The following MGAT4C variants were observed in gnomAD, a reference collection of about 807,000 sequenced individuals.
The protein encoded by MGAT4C is MGAT4 family member C.
MGAT4C carries 19 observed loss-of-function variants against 40.1 expected under a neutral mutation model. That is an observed-to-expected ratio of 0.47 (90% CI 0.33 to 0.70). The LOEUF is 0.70. MGAT4C is among the 30% of genes least tolerant of loss of function. The pLI is 0.02. For synonymous variants in MGAT4C, 181 were observed against 187.1 expected (o/e 0.97, Z 0.27); for missense variants, 491 against 563.2 (o/e 0.87, Z 1.30).
intron 4 of MGAT4C, among the ~76,000 whole-genome samples, chr12:86,327,508 C>T (rs56293486): frequency 0.19 from 29,554 of 151,730 alleles, 3,564 homozygotes; most frequent in African/African-American, 0.33. Context: ...ACTTGTGGTT[C>T]ATGAGTTTGC....
chr12:86,072,625 G>C (rs891962168), intron 1 of MGAT4C, among the ~76,000 whole-genome samples: 1 of 152,116 alleles, frequency 6.6e-6, no homozygotes, highest in South Asian at 2.1e-4. Context: ...TGGATAGATG[G>C]ATAGATGGAT....
chr12:86,075,896 C>G (rs1015322100), intron 1 of MGAT4C, among the ~76,000 whole-genome samples: 2 of 152,136 alleles, frequency 1.3e-5, no homozygotes, highest in African/African-American at 4.8e-5. Context: ...GTGAAGACCT[C>G]TGACATGCTC....
rs1882888865 is a variant in MGAT4C, at chr12:85,957,799, G to A, written c.*21490C>T. ...GGTCAGGGTAGTGCAGGTGGTGCAT[G>A]CATTTAATAATAGTTTAAGATATTA... is the stretch of plus-strand genomic sequence containing the variant. On this transcript the variant is annotated 3_prime_UTR_variant, in exon 5 of 5. Transcript: ENST00000611864. 6.6e-6 allele frequency: 1 copy of A among 151,376 alleles called. No homozygotes were observed. Among genetic ancestry groups the A allele is most frequent in the Non-Finnish European group, 1.5e-5 (1 of 67,776 alleles). The allele number at this position is 151,376 out of a possible 1,614,324, so 9.4% of individuals were successfully genotyped here. A position where few individuals can be genotyped will look rare whatever the true frequency, so the allele number is the denominator to read the frequency against.
At chr12:86,508,586 G>C (rs962951447) in intron 2 of MGAT4C, among the ~76,000 whole-genome samples, 21 of 151,724 alleles carry the variant, frequency 1.4e-4, no homozygotes, top group Non-Finnish European at 2.2e-4. Context: ...TAATGGGATG[G>C]CTGGGTCAAA....
chr12:86,711,321 G>C (rs1950553458), intron 2 of MGAT4C, among the ~76,000 whole-genome samples: 1 of 152,130 alleles, frequency 6.6e-6, no homozygotes, highest in Non-Finnish European at 1.5e-5. Context: ...TGGCGCTCCT[G>C]AGATGCCATC....
intron 2 of MGAT4C, among the ~76,000 whole-genome samples, chr12:86,539,371 T>A (rs1284469577): frequency 6.6e-6 from 1 of 152,362 alleles, no homozygotes; most frequent in Admixed American, 6.5e-5. Flanking sequence ...TTTTTATGGC[T>A]ACATAGTATT....
intron 1 of MGAT4C, among the ~76,000 whole-genome samples, chr12:86,063,664 T>A (rs1438438700): frequency 6.6e-6 from 1 of 152,198 alleles, no homozygotes; most frequent in South Asian, 2.1e-4. Flanking sequence ...CCATCTCACA[T>A]GCAAAGACAC....
At chr12:86,225,438 G>A (rs528586521) in intron 1 of MGAT4C, among the ~76,000 whole-genome samples, 9 of 151,972 alleles carry the variant, frequency 5.9e-5, no homozygotes, top group African/African-American at 4.8e-5. Flanking sequence ...TTCCCTACTC[G>A]TTCTATGAGG....
At chr12:86,716,591 GTTA>G (rs1448340496) in intron 2 of MGAT4C, among the ~76,000 whole-genome samples, 2 of 152,078 alleles carry the variant, frequency 1.3e-5, no homozygotes, top group Non-Finnish European at 2.9e-5. Flanking sequence ...TCATTGAGAA[GTTA>G]TTAATAGTTT....
intron 1 of MGAT4C, among the ~76,000 whole-genome samples, chr12:86,736,562 G>T (rs1950988346): frequency 1.3e-5 from 2 of 151,702 alleles, no homozygotes; most frequent in Non-Finnish European, 1.5e-5. Context: ...ACCTCCACCA[G>T]TGAACGAGCC....
intron 2 of MGAT4C, among the ~76,000 whole-genome samples, chr12:86,008,698 A>G (rs1888148456): frequency 6.6e-6 from 1 of 152,146 alleles, no homozygotes; most frequent in Admixed American, 6.5e-5. Flanking sequence ...TTAGGAAGAA[A>G]GCGTTAAGTA....
At chr12:86,361,232 G>A (rs1219656183) in intron 3 of MGAT4C, among the ~76,000 whole-genome samples, 7 of 152,142 alleles carry the variant, frequency 4.6e-5, no homozygotes, top group African/African-American at 1.2e-4. Flanking sequence ...ACAAGAAATG[G>A]GGAAAGGGTT....
intron 2 of MGAT4C, among the ~76,000 whole-genome samples, chr12:86,567,059 G>A (rs1373132313): frequency 6.6e-6 from 1 of 152,058 alleles, no homozygotes; most frequent in African/African-American, 2.4e-5. Context: ...AAATTACAAT[G>A]TCAACTAGGT....
upstream of MGAT4C, among the ~76,000 whole-genome samples, chr12:86,259,466 A>C (rs1043109444): frequency 4.6e-5 from 7 of 152,030 alleles, no homozygotes; most frequent in African/African-American, 1.7e-4. Context: ...AAAATGTTAA[A>C]ACTTTAAGAA....
chr12:86,465,412 AT>A (rs1957665237), intron 2 of MGAT4C, among the ~76,000 whole-genome samples: 1 of 152,158 alleles, frequency 6.6e-6, no homozygotes, highest in Admixed American at 6.5e-5. Context: ...TGCTCTGCAA[AT>A]AATTCTGCCA....
At chr12:86,697,329 A>G (rs1444011850) in intron 2 of MGAT4C, among the ~76,000 whole-genome samples, 1 of 152,094 alleles carries the variant, frequency 6.6e-6, no homozygotes, top group Non-Finnish European at 1.5e-5. Flanking sequence ...TGTTTCTGCA[A>G]TCTTGACTAA....
chr12:86,391,507 C>T (rs750371625), intron 3 of MGAT4C, among the ~76,000 whole-genome samples: 36 of 152,082 alleles, frequency 2.4e-4, no homozygotes, highest in Non-Finnish European at 3.8e-4. Flanking sequence ...TTGAACTTTG[C>T]GGATAAGGTC....
intron 3 of MGAT4C, among the ~76,000 whole-genome samples, chr12:86,394,406 T>C (rs1592785054): frequency 6.6e-6 from 1 of 150,626 alleles, no homozygotes; most frequent in East Asian, 1.9e-4. Context: ...TCCATTGATA[T>C]TAGTCCACTG....
chr12:86,774,343 C>CTTTT lies in MGAT4C; in HGVS notation c.-261-47103_-261-47102insAAAA, dbSNP rs1565981678. 8.6e-4 allele frequency among the ~76,000 whole-genome samples: 47 copies of CTTTT among 54,510 alleles called. 1 individual carries two copies. Among genetic ancestry groups the CTTTT allele is most frequent in the East Asian group, 2.2e-3 (4 of 1,834 alleles). 35.8% of individuals were successfully genotyped at this position (54,510 alleles called of 152,430 possible). A position where few individuals can be genotyped will look rare whatever the true frequency, so the allele number is the denominator to read the frequency against. On this transcript the variant is annotated intron_variant, in intron 1 of 7. Transcript: ENST00000548651. ...TCTTTCTTTCTTTCTTTCTTTCTGT[C>CTTTT]TCTCTCTCTCCCCTCTCTCTCTCTC...
Sources: gnomAD v4.1 joint callset for allele counts (sites outside exome capture counted in the v4.1 genomes callset) on GRCh38, gnomAD v4.1.1 for gene constraint, MANE v1.5 for transcripts, NCBI Gene and HGNC (gene_info 2026-07-23, HGNC 2026-07-21) for gene names.